The following LRP5 variants were observed in gnomAD, a reference collection of about 807,000 sequenced individuals.
The protein encoded by LRP5 is LDL receptor related protein 5.
A neutral mutation model predicts 154.1 loss-of-function variants in LRP5; 62 were observed. The ratio of observed to expected loss-of-function variants is 0.40; its 90% confidence interval spans 0.33 to 0.50. The LOEUF is 0.50. LRP5 is among the 20% of genes least tolerant of loss of function. The pLI, the probability that LRP5 is intolerant of heterozygous loss-of-function variation, is 0.55. For synonymous variants in LRP5, 966 were observed against 1,011.5 expected, an observed-to-expected ratio of 0.96 and a Z score of 0.85; for missense variants, 1,915 against 2,336.7, an observed-to-expected ratio of 0.82 and a Z score of 3.72.
intron 5 of LRP5, among the ~76,000 whole-genome samples, chr11:68,381,398 G>A (rs557024392): frequency 2.0e-5 from 3 of 152,236 alleles, no homozygotes; most frequent in East Asian, 3.9e-4. Flanking sequence ...GGACGGTGTC[G>A]AGCTGGACAT....
chr11:68,341,059 C>CTTTTTTTTGTTTTTTTTTTTTTTTTTT (rs2098608773), intron 1 of LRP5, among the ~76,000 whole-genome samples: 1 of 83,496 alleles, frequency 1.2e-5, no homozygotes, highest in African/African-American at 4.8e-5. Context: ...GGAGATTGTT[C>CTTTTTTTTGTTTTTTTTTTTTTTTTTT]TTTTTTTTTT....
chr11:68,408,242 ATTTTT>A (rs11299690), intron 9 of LRP5, among the ~76,000 whole-genome samples: 2 of 52,110 alleles, frequency 3.8e-5, no homozygotes, highest in African/African-American at 7.1e-5. Context: ...CTCCTGGCTG[ATTTTT>A]TTTTTTTTTT....
chr11:68,318,128 C>T (rs1478122734), intron 1 of LRP5, among the ~76,000 whole-genome samples: 1 of 149,572 alleles, frequency 6.7e-6, no homozygotes, highest in East Asian at 2.0e-4. Context: ...GATCTCAGCT[C>T]ACTGCAAGCT....
chr11:68,396,702 C>T (rs889363689), intron 7 of LRP5, among the ~76,000 whole-genome samples: 9 of 146,938 alleles, frequency 6.1e-5, no homozygotes, highest in South Asian at 4.5e-4. Context: ...GCTTCCAGGC[C>T]GCCCCAGCAG....
rs312789 is a variant in LRP5 at position 68,355,933 on chromosome 11, G to A, written c.489-1717G>A. 1.4e-3 allele frequency among the ~76,000 whole-genome samples: 208 copies of A among 151,920 alleles called. 1 individual carries two copies. Among genetic ancestry groups the A allele is most frequent in the Non-Finnish European group, 2.0e-3 (135 of 67,946 alleles). On this transcript the variant is annotated intron_variant, in intron 2 of 22. Coordinates refer to ENST00000294304, the MANE Select transcript of LRP5 (RefSeq NM_002335.4). ...TGGCTCACTGCAAGCTCCGCCTCCC[G>A]GGTTCACGCCATTCTCCTGCCTCAG...
At chr11:68,417,448 G>GGT (rs1565095730) in intron 13 of LRP5, among the ~76,000 whole-genome samples, 1 of 40,382 alleles carries the variant, frequency 2.5e-5, no homozygotes, top group African/African-American at 7.7e-5. Flanking sequence ...GAACAGATTG[G>GGT]CTTTTTTTTT....
chr11:68,326,703 C>A (rs1172024025), intron 1 of LRP5, among the ~76,000 whole-genome samples: 2 of 152,252 alleles, frequency 1.3e-5, no homozygotes, highest in African/African-American at 2.4e-5. Flanking sequence ...TGAGAGCAGA[C>A]CCTGCGAAGC....
chr11:68,306,219 TC>T, the LRP5 span, among the ~76,000 whole-genome samples: 1 of 152,196 alleles, frequency 6.6e-6, no homozygotes, highest in Non-Finnish European at 1.5e-5. Flanking sequence ...CACTGCAACC[TC>T]CGCCTCCCAG....
intron 5 of LRP5, among the ~76,000 whole-genome samples, chr11:68,377,233 C>T (rs1252136621): frequency 1.3e-5 from 2 of 152,210 alleles, no homozygotes; most frequent in South Asian, 2.1e-4. Context: ...GGAAGGGACC[C>T]GCCTGCAGGT....
At chr11:68,421,912 CT>C (rs1277221158) in intron 13 of LRP5, among the ~76,000 whole-genome samples, 1 of 151,770 alleles carries the variant, frequency 6.6e-6, no homozygotes, top group African/African-American at 2.4e-5. Flanking sequence ...TTCTTTTTAT[CT>C]ACTTAGAGAC....
chr11:68,313,805 C>T (rs1341461521), intron 1 of LRP5, among the ~76,000 whole-genome samples: 4 of 152,248 alleles, frequency 2.6e-5, no homozygotes, highest in African/African-American at 7.2e-5. Context: ...GGACCTCGGG[C>T]CCCTTTGTCT....
At chr11:68,406,937 C>A in intron 9 of LRP5, 124 bp downstream of exon 9, 3 of 982,506 alleles carry the variant, frequency 3.1e-6, no homozygotes, top group South Asian at 1.5e-5. Context: ...GCAGTTCAAG[C>A]TAATCAAATA....
intron 5 of LRP5, among the ~76,000 whole-genome samples, chr11:68,370,822 G>A (rs1422590948): frequency 6.6e-6 from 1 of 152,212 alleles, no homozygotes; most frequent in Non-Finnish European, 1.5e-5. Flanking sequence ...AGCCAGTGTG[G>A]GGACTGTTTT....
At position 68,365,688 on chromosome 11, in the gene LRP5, GGAC is replaced by G. The variant is rs776221148; in HGVS notation, c.1003_1005del (p.Thr335del). Reference sequence around the variant, plus strand: ...GGTGTGCAGCTGCAGGACAACGGCAGGACGTGTAAGGCAGGTGAGGCGGTGGGA... The same window carrying G: ...GGTGTGCAGCTGCAGGACAACGGCAGGTGTAAGGCAGGTGAGGCGGTGGGA... On this transcript the variant is annotated inframe_deletion, in exon 5 of 23. Coordinates refer to ENST00000294304, the MANE Select transcript of LRP5 (RefSeq NM_002335.4). 3 of 1,527,768 alleles carry G rather than the reference GGAC, an allele frequency of 2.0e-6. No homozygotes were observed. Among genetic ancestry groups the G allele is most frequent in the Non-Finnish European group, 2.7e-6 (3 of 1,124,358 alleles). The allele number at this position is 1,527,768 out of a possible 1,614,324, so 94.6% of individuals were successfully genotyped here. A position where few individuals can be genotyped will look rare whatever the true frequency, so the allele number is the denominator to read the frequency against.
intron 21 of LRP5, among the ~76,000 whole-genome samples, chr11:68,443,900 C>G (rs1381712352): frequency 6.6e-6 from 1 of 151,638 alleles, no homozygotes; most frequent in Non-Finnish European, 1.5e-5. Context: ...CTCAGGTGAT[C>G]CACCCACCTC....
chr11:68,374,325 G>GA (rs2098636148), intron 5 of LRP5, among the ~76,000 whole-genome samples: 1 of 152,212 alleles, frequency 6.6e-6, no homozygotes, highest in African/African-American at 2.4e-5. Flanking sequence ...ACTTATCAGG[G>GA]AAGTAGGTCA....
intron 5 of LRP5, among the ~76,000 whole-genome samples, chr11:68,384,754 G>A (rs2098642072): frequency 6.6e-6 from 1 of 152,168 alleles, no homozygotes; most frequent in African/African-American, 2.4e-5. Context: ...TGGGCCACGG[G>A]GGTTCAGAAG....
At chr11:68,427,496 A>G (rs1402783915) in intron 16 of LRP5, among the ~76,000 whole-genome samples, 3 of 152,220 alleles carry the variant, frequency 2.0e-5, no homozygotes, top group African/African-American at 4.8e-5. Context: ...CCTGCCCAAC[A>G]TAGTGAAATC....
intron 7 of LRP5, among the ~76,000 whole-genome samples, chr11:68,396,012 C>T (rs1172269511): frequency 6.6e-6 from 1 of 152,118 alleles, no homozygotes; most frequent in East Asian, 1.9e-4. Flanking sequence ...GGGTCTTGGG[C>T]CTGCAGGCTC....
Sources: allele counts gnomAD v4.1 joint callset (sites outside exome capture counted in the v4.1 genomes callset), GRCh38; gene constraint gnomAD v4.1.1; transcripts MANE v1.5; gene names NCBI Gene and HGNC (gene_info 2026-07-23, HGNC 2026-07-21).